CTNNB1: variants seen among roughly 807,000 people sequenced by gnomAD.
The protein encoded by CTNNB1 is catenin beta-1.
CTNNB1 carries 6 observed loss-of-function variants against 82.5 expected under a neutral mutation model. That is an observed-to-expected ratio of 0.07 (90% CI 0.04 to 0.14). The LOEUF (loss-of-function observed/expected upper bound fraction) is 0.14. Among genes scored for constraint, CTNNB1 ranks in the 10% least tolerant of loss-of-function variants. The pLI is 1.00. For synonymous variants in CTNNB1, 312 were observed against 329.7 expected, an observed-to-expected ratio of 0.95 and a Z score of 0.58; for missense variants, 529 against 980.4, an observed-to-expected ratio of 0.54 and a Z score of 6.15.
intron 3 of CTNNB1, 99 bp downstream of exon 3, chr3:41,224,852 A>C (rs1445152807): frequency 4.4e-6 from 7 of 1,600,054 alleles, no homozygotes; most frequent in Admixed American, 3.3e-5. Flanking sequence ...GTTGTGGTGA[A>C]GAAAAGAGAG....
intron 1 of CTNNB1, among the ~76,000 whole-genome samples, chr3:41,216,220 C>T (rs2077914305): frequency 6.6e-6 from 1 of 152,150 alleles, no homozygotes; most frequent in South Asian, 2.1e-4. Flanking sequence ...AGGCTCAGAA[C>T]TGAAGTTGCT....
chr3:41,226,860 G>C (rs1047392937), intron 6 of CTNNB1, among the ~76,000 whole-genome samples: 1 of 152,152 alleles, frequency 6.6e-6, no homozygotes, highest in African/African-American at 2.4e-5. Flanking sequence ...AATTTTCAGT[G>C]AATCAGTTTT....
intron 2 of CTNNB1, 83 bp from the exon 3 acceptor site, chr3:41,224,443 A>G (rs1170664558): frequency 3.6e-5 from 46 of 1,292,798 alleles, no homozygotes; most frequent in South Asian, 2.4e-4. Context: ...AAATATTTCA[A>G]TGGGTCATAT....
At chr3:41,233,932 G>A (rs2078369696) in intron 9 of CTNNB1, 65 bp downstream of exon 9, 5 of 1,547,494 alleles carry the variant, frequency 3.2e-6, no homozygotes, top group Non-Finnish European at 4.5e-6. Flanking sequence ...CTAGCTGTTG[G>A]ATGGCTGTCT....
At chr3:41,218,072 A>G (rs942258368) in intron 1 of CTNNB1, among the ~76,000 whole-genome samples, 8 of 152,058 alleles carry the variant, frequency 5.3e-5, no homozygotes, top group Non-Finnish European at 1.0e-4. Context: ...CTTAATATAT[A>G]CCCGTATTTT....
chr3:41,229,397 A>G (rs966511789), intron 7 of CTNNB1, among the ~76,000 whole-genome samples: 7 of 151,890 alleles, frequency 4.6e-5, no homozygotes, highest in African/African-American at 1.7e-4. Context: ...TGTTTTTTGT[A>G]ATTCTCATTG....
chr3:41,238,360 T>A, intron 14 of CTNNB1: 1 of 396,672 alleles, frequency 2.5e-6, no homozygotes, highest in East Asian at 4.6e-5. Flanking sequence ...TTTTATTCTC[T>A]TTTTGGCCAG....
At chr3:41,231,651 G>A (rs7629538) in intron 7 of CTNNB1, among the ~76,000 whole-genome samples, 157 of 152,264 alleles carry the variant, frequency 1.0e-3, no homozygotes, top group African/African-American at 3.6e-3. Context: ...CACTTTCGAT[G>A]GTTGTTTATC....
At chr3:41,218,178 C>T (rs1575304940) in intron 1 of CTNNB1, among the ~76,000 whole-genome samples, 1 of 151,806 alleles carries the variant, frequency 6.6e-6, no homozygotes, top group Non-Finnish European at 1.5e-5. Flanking sequence ...AATTACAAGC[C>T]CATTTCTCCT....
chr3:41,227,472 T>G lies in CTNNB1; in HGVS notation c.1081+120T>G, dbSNP rs1424757520. 1.4e-5 allele frequency: 15 copies of G among 1,044,950 alleles called. No homozygotes were observed. The East Asian group carries it at 3.5e-4, about 25-fold the overall frequency. 64.7% of individuals were successfully genotyped at this position (1,044,950 alleles called of 1,614,324 possible). On this transcript the variant is annotated intron_variant, in intron 7 of 14. Transcript: ENST00000349496. ...TGAAAATAAATGGTCCTATTCAGTT[T>G]GCAGCCAAGATTTACATTCAGAGTA... is the stretch of plus-strand genomic sequence containing the variant.
At chr3:41,210,069 T>C (rs1480857863) in intron 1 of CTNNB1, among the ~76,000 whole-genome samples, 1 of 152,236 alleles carries the variant, frequency 6.6e-6, no homozygotes, top group African/African-American at 2.4e-5. Flanking sequence ...AAAACATACA[T>C]TGTACAGCTG....
Position 41,239,921 on chromosome 3 carries a change from AT to A in CTNNB1, c.*598del, listed in dbSNP as rs34653633. The A allele has an allele frequency of 0.026, 4,084 of 157,870 alleles. 47 individuals are homozygous for A. Among genetic ancestry groups the A allele is most frequent in the African/African-American group, 0.046 (1,582 of 34,214 alleles). The allele number at this position is 157,870 out of a possible 1,614,324, so 9.8% of individuals were successfully genotyped here. A position where few individuals can be genotyped will look rare whatever the true frequency, so the allele number is the denominator to read the frequency against. ...ATCAAACCCTAGCCTTGCTTGTTAA[AT>A]TTTTTTTTTTTTTTTTTTAAGAATA... On this transcript the variant is annotated 3_prime_UTR_variant, in exon 15 of 15. Transcript: ENST00000349496.
At chr3:41,234,407 G>A in intron 10 of CTNNB1, 110 bp downstream of exon 10, 2 of 1,059,782 alleles carry the variant, frequency 1.9e-6, no homozygotes, top group Non-Finnish European at 2.9e-6. Context: ...TCTTCCTGAA[G>A]AGCTAATGAC....
chr3:41,240,335 T>C lies in CTNNB1; in HGVS notation c.*993T>C, dbSNP rs2078554269. Reference sequence around the variant, plus strand: ...TTATTTGGAACCTTGTTTTGGACAGTTTACCAGTTGCCTTTTATCCCAAAG... The same window carrying C: ...TTATTTGGAACCTTGTTTTGGACAGCTTACCAGTTGCCTTTTATCCCAAAG... On this transcript the variant is annotated 3_prime_UTR_variant, in exon 15 of 15. Coordinates refer to ENST00000349496, the MANE Select transcript of CTNNB1 (RefSeq NM_001904.4). 1 of 190,256 alleles carries C rather than the reference T, an allele frequency of 5.3e-6. No homozygotes were observed. 11.8% of individuals were successfully genotyped at this position (190,256 alleles called of 1,614,324 possible).
At chr3:41,237,990 TC>T (rs751036076) in intron 13 of CTNNB1, 25 bp from the exon 14 acceptor site, 115 of 1,608,190 alleles carry the variant, frequency 7.2e-5, no homozygotes, top group Non-Finnish European at 9.0e-5. Flanking sequence ...TTTCTATTCT[TC>T]CTTGCTTTGT....
chr3:41,210,896 C>T, intron 1 of CTNNB1: 2 of 380,050 alleles, frequency 5.3e-6, no homozygotes, highest in Non-Finnish European at 1.1e-5. Flanking sequence ...CTCAAGTGAT[C>T]CTCCTACCTC....
chr3:41,231,434 T>G (rs1296281293), intron 7 of CTNNB1, among the ~76,000 whole-genome samples: 3 of 152,026 alleles, frequency 2.0e-5, no homozygotes, highest in African/African-American at 7.2e-5. Context: ...AGGTTGAGGT[T>G]AGGTAAGCAG....
intron 1 of CTNNB1, among the ~76,000 whole-genome samples, chr3:41,217,669 G>C (rs976837134): frequency 6.6e-6 from 1 of 152,188 alleles, no homozygotes; most frequent in Admixed American, 6.5e-5. Context: ...ACTATCAAAA[G>C]TTTCTGCTAG....
chr3:41,200,534 C>T (rs897433056), intron 1 of CTNNB1, among the ~76,000 whole-genome samples: 1 of 152,176 alleles, frequency 6.6e-6, no homozygotes, highest in African/African-American at 2.4e-5. Flanking sequence ...CTGACTCAGA[C>T]CGCTTCGAGA....
Sources: allele counts gnomAD v4.1 joint callset (sites outside exome capture counted in the v4.1 genomes callset), GRCh38; gene constraint gnomAD v4.1.1; transcripts MANE v1.5; gene names NCBI Gene and HGNC (gene_info 2026-07-23, HGNC 2026-07-21).